The following AOPEP variants were observed in gnomAD, a reference collection of about 807,000 sequenced individuals.
AOPEP encodes the protein aminopeptidase O (putative), also known as aminopeptidase O.
AOPEP carries 77 observed loss-of-function variants against 98.1 expected under a neutral mutation model. That is an observed-to-expected ratio of 0.78 (90% CI 0.65 to 0.95). The LOEUF is 0.95. Among genes scored for constraint, AOPEP ranks in the 40% least tolerant of loss-of-function variants. The pLI is 0.00. For missense variants in AOPEP, 1,024 were observed against 1,024.7 expected (o/e 1.00, Z 0.01); for synonymous variants, 346 against 365.3 (o/e 0.95, Z 0.60).
chr9:95,097,859 T>G, the AOPEP span, among the ~76,000 whole-genome samples: 1 of 152,196 alleles, frequency 6.6e-6, no homozygotes, highest in East Asian at 1.9e-4. Flanking sequence ...ATGTACTTAC[T>G]GTATCTTAAT....
intron 9 of AOPEP, 69 bp downstream of exon 9, chr9:94,956,084 A>G (rs1742633325): frequency 2.2e-6 from 2 of 898,684 alleles, no homozygotes; most frequent in South Asian, 1.6e-5. Context: ...AGATTAGATT[A>G]TGCCAGTATT....
At chr9:95,031,458 T>C (rs2064293557) in intron 13 of AOPEP, among the ~76,000 whole-genome samples, 1 of 152,208 alleles carries the variant, frequency 6.6e-6, no homozygotes, top group African/African-American at 2.4e-5. Flanking sequence ...TTCATTTTAG[T>C]GTGATTAGAA....
At chr9:95,096,729 G>A in the AOPEP span, among the ~76,000 whole-genome samples, 3 of 152,170 alleles carry the variant, frequency 2.0e-5, no homozygotes, top group Admixed American at 6.5e-5. Flanking sequence ...CTGCAGCCAC[G>A]GGGGCCCTTT....
intron 3 of AOPEP, among the ~76,000 whole-genome samples, chr9:94,789,515 GCTT>G (rs1464339629): frequency 6.6e-6 from 1 of 151,890 alleles, no homozygotes; most frequent in Non-Finnish European, 1.5e-5. Flanking sequence ...ATAACTTCTT[GCTT>G]CTTCTTCCAT....
At chr9:94,973,840 A>G (rs772362219) in intron 10 of AOPEP, among the ~76,000 whole-genome samples, 2 of 152,196 alleles carry the variant, frequency 1.3e-5, no homozygotes, top group Non-Finnish European at 2.9e-5. Flanking sequence ...GCTAAGTGGA[A>G]ATGCTTCTGC....
chr9:95,015,189 GA>G (rs1034604982), intron 13 of AOPEP, among the ~76,000 whole-genome samples: 1 of 152,204 alleles, frequency 6.6e-6, no homozygotes, highest in African/African-American at 2.4e-5. Context: ...TTGGATAATT[GA>G]ATTAACTGAG....
chr9:95,113,258 G>A, the AOPEP span, among the ~76,000 whole-genome samples: 1 of 152,244 alleles, frequency 6.6e-6, no homozygotes, highest in Non-Finnish European at 1.5e-5. Context: ...TCACGGAGCT[G>A]GACATAGGTG....
intron 3 of AOPEP, among the ~76,000 whole-genome samples, chr9:94,788,380 A>G (rs1682009829): frequency 6.6e-6 from 1 of 152,024 alleles, no homozygotes. Flanking sequence ...CATTTATATC[A>G]TTATATTTTT....
chr9:94,861,347 T>A (rs2044953412), intron 5 of AOPEP, among the ~76,000 whole-genome samples: 1 of 152,196 alleles, frequency 6.6e-6, no homozygotes, highest in South Asian at 2.1e-4. Context: ...TGTGGGGGCA[T>A]ATGGAGAAAT....
At chr9:94,879,117 C>G (rs1177718461) in intron 5 of AOPEP, among the ~76,000 whole-genome samples, 1 of 152,148 alleles carries the variant, frequency 6.6e-6, no homozygotes, top group African/African-American at 2.4e-5. Context: ...AAGCACTGAT[C>G]TTAGGAGCAG....
In AOPEP at chr9:94,924,107, A is replaced by G; in HGVS notation, c.1486A>G (p.Thr496Ala). 6.6e-7 allele frequency: 1 copy of G among 1,512,932 alleles called. No individual in the cohort carries two copies. Among genetic ancestry groups the G allele is most frequent in the Admixed American group, 2.2e-5 (1 of 45,958 alleles). The allele number at this position is 1,512,932 out of a possible 1,614,324, so 93.7% of individuals were successfully genotyped here. A position where few individuals can be genotyped will look rare whatever the true frequency, so the allele number is the denominator to read the frequency against. The change falls in exon 6 of 17, where the codon ACG (threonine) becomes GCG (alanine). Residue 496 changes from threonine to alanine, a missense_variant. Transcript: ENST00000375315. ...CCTAGCCATCGGGGCCCGAGACTGG[A>G]CGGAGGAGTGGCTGAGTGAAGGCTT... ...FGLAIGARDW[T>A]EEWLSEGFAT...
At chr9:94,846,878 T>C (rs1754338493) in intron 5 of AOPEP, among the ~76,000 whole-genome samples, 1 of 152,144 alleles carries the variant, frequency 6.6e-6, no homozygotes, top group Admixed American at 6.5e-5. Context: ...GCCACTGCTC[T>C]CCAGCCTGGG....
chr9:94,790,023 A>G (rs1447157123), intron 3 of AOPEP, among the ~76,000 whole-genome samples: 3 of 147,326 alleles, frequency 2.0e-5, no homozygotes, highest in South Asian at 2.2e-4. Flanking sequence ...ACAGGCGCCC[A>G]CCATCACGCC....
At chr9:94,936,213 C>T (rs1198241242) in intron 7 of AOPEP, among the ~76,000 whole-genome samples, 4 of 152,132 alleles carry the variant, frequency 2.6e-5, no homozygotes, top group African/African-American at 4.8e-5. Context: ...CTTGCTAAAA[C>T]TCTCCAAAAG....
chr9:95,063,216 T>C (rs924023677), intron 14 of AOPEP, among the ~76,000 whole-genome samples: 1 of 152,250 alleles, frequency 6.6e-6, no homozygotes, highest in African/African-American at 2.4e-5. Context: ...TTAAAAAATA[T>C]ATTTGACAGC....
chr9:94,963,158 C>T (rs555724583), intron 9 of AOPEP, among the ~76,000 whole-genome samples: 2 of 152,256 alleles, frequency 1.3e-5, no homozygotes, highest in East Asian at 3.9e-4. Context: ...GTCCTTCCTT[C>T]AATATTTTGT....
At chr9:94,909,418 C>T (rs2051678209) in intron 5 of AOPEP, among the ~76,000 whole-genome samples, 1 of 144,610 alleles carries the variant, frequency 6.9e-6, no homozygotes, top group South Asian at 2.2e-4. Flanking sequence ...GGTTATACAA[C>T]TGTGAAAAGA....
intron 5 of AOPEP, among the ~76,000 whole-genome samples, chr9:94,885,311 T>C (rs2048085203): frequency 9.1e-6 from 1 of 109,366 alleles, no homozygotes; most frequent in South Asian, 3.3e-4. Context: ...ATCATACAAC[T>C]GCACTGCAGC....
chr9:94,803,339 C>T (rs1251649166), intron 5 of AOPEP, among the ~76,000 whole-genome samples: 1 of 152,164 alleles, frequency 6.6e-6, no homozygotes, highest in Non-Finnish European at 1.5e-5. Flanking sequence ...CCATTTTATA[C>T]CATTTCAGTA....
Sources: gnomAD v4.1 joint callset for allele counts (sites outside exome capture counted in the v4.1 genomes callset) on GRCh38, gnomAD v4.1.1 for gene constraint, MANE v1.5 for transcripts, NCBI Gene and HGNC (gene_info 2026-07-23, HGNC 2026-07-21) for gene names.